CBLN2: variants seen among roughly 807,000 people sequenced by gnomAD.
The protein encoded by CBLN2 is cerebellin-2.
Under a neutral mutation model 15.0 loss-of-function variants are expected in CBLN2, and 7 were observed. That is an observed-to-expected ratio of 0.47 (90% confidence interval 0.27 to 0.88). The LOEUF (loss-of-function observed/expected upper bound fraction) is 0.88, where lower values mean the gene tolerates loss of function less well. Ranked by LOEUF, CBLN2 falls within the 40% of genes least tolerant of loss-of-function variation. CBLN2 has a pLI of 0.14. For synonymous variants in CBLN2, 149 were observed against 135.2 expected, an observed-to-expected ratio of 1.10 and a Z score of -0.71; for missense variants, 242 against 304.5, an observed-to-expected ratio of 0.79 and a Z score of 1.53.
At position 72,538,671 on chromosome 18, in the gene CBLN2, A is replaced by G; in HGVS notation, c.459T>C (p.Tyr153=). ...TACCCACCTGGATGGTTTGTCTGTTATACACTTTGACCACGTGGAAGCTGA... is the reference window on the plus strand; with the variant it reads ...TACCCACCTGGATGGTTTGTCTGTTGTACACTTTGACCACGTGGAAGCTGA... ...YSFSFHVVKV[Y]NRQTIQVSLM... The change falls in exon 4 of 5, where the codon TAT becomes TAC. Residue 153 remains tyrosine (Y), a synonymous_variant. Coordinates refer to ENST00000269503, the MANE Select transcript of CBLN2 (RefSeq NM_182511.4). 6.2e-7 allele frequency: 1 copy of G among 1,614,080 alleles called. No homozygotes were observed. The highest frequency in any genetic ancestry group is 8.5e-7 in the Non-Finnish European group (1 of 1,180,016).
At chr18:72,551,857 T>C (rs779552766) in intron 1 of CBLN2, among the ~76,000 whole-genome samples, 1 of 152,218 alleles carries the variant, frequency 6.6e-6, no homozygotes, top group Non-Finnish European at 1.5e-5. Flanking sequence ...CCTTAGGGAA[T>C]GTGAATGCTC....
At chr18:72,539,231 A>G (rs142109745) in intron 3 of CBLN2, 1 of 163,578 alleles carries the variant, frequency 6.1e-6, no homozygotes, top group Non-Finnish European at 1.3e-5. Flanking sequence ...GAATGGGTAG[A>G]GAAGCGGCTA....
At chr18:72,541,725 G>T in intron 3 of CBLN2, 79 bp downstream of exon 3, 1 of 1,183,774 alleles carries the variant, frequency 8.4e-7, no homozygotes, top group Non-Finnish European at 1.2e-6. Flanking sequence ...CGTCCAAGAA[G>T]CCTGAACCCC....
intron 1 of CBLN2, among the ~76,000 whole-genome samples, chr18:72,558,405 G>A (rs1369554096): frequency 1.3e-5 from 2 of 152,110 alleles, no homozygotes; most frequent in Non-Finnish European, 2.9e-5. Context: ...TGTTTGATGC[G>A]CCTTTTCCCA....
intron 4 of CBLN2, 54 bp downstream of exon 4, chr18:72,538,598 GC>G: frequency 6.2e-7 from 1 of 1,606,196 alleles, no homozygotes; most frequent in Non-Finnish European, 8.5e-7. Flanking sequence ...GGGGCCTTTA[GC>G]AATGGGGAAC....
At position 72,541,886 on chromosome 18, in the gene CBLN2, T is replaced by C. The variant is rs768066760; in HGVS notation, c.275A>G (p.Lys92Arg). 5 of 1,607,176 alleles carry C rather than the reference T, an allele frequency of 3.1e-6. No individual in the cohort carries two copies. Among genetic ancestry groups the C allele is most frequent in the Admixed American group, 3.4e-5 (2 of 59,654 alleles). The change falls in exon 3 of 5, where the codon AAG (lysine) becomes AGG (arginine). Residue 92 changes from lysine (K) to arginine (R), a missense_variant. Lys to Arg is a conservative substitution (Grantham distance 26, BLOSUM62 2). Coordinates refer to ENST00000269503, the MANE Select transcript of CBLN2 (RefSeq NM_182511.4). ...GCTCCGCGTGGCGGAGAAGGCCACC[T>C]TGGCGCTGCCGGAGCGCACGGAGAT... Reference protein sequence around the residue: ...LGISVRSGSAKVAFSATRSTN... With the variant: ...LGISVRSGSARVAFSATRSTN...
At chr18:72,597,525 C>A (rs1306680894) in intron 1 of CBLN2, among the ~76,000 whole-genome samples, 1 of 152,174 alleles carries the variant, frequency 6.6e-6, no homozygotes, top group African/African-American at 2.4e-5. Context: ...GTCCAAGCCC[C>A]ATGGTAACCA....
At chr18:72,634,244 A>G (rs2069797098) in intron 1 of CBLN2, among the ~76,000 whole-genome samples, 2 of 152,060 alleles carry the variant, frequency 1.3e-5, no homozygotes, top group Non-Finnish European at 2.9e-5. Flanking sequence ...GAAGTTCTGT[A>G]AACAGTAAGT....
At chr18:72,615,429 A>C (rs1235202460) in intron 1 of CBLN2, among the ~76,000 whole-genome samples, 1 of 151,196 alleles carries the variant, frequency 6.6e-6, no homozygotes, top group Non-Finnish European at 1.5e-5. Context: ...GCCATGCGCC[A>C]CCATGCCCAG....
chr18:72,615,143 A>ATATTTATATATTAT (rs2069649488), intron 1 of CBLN2, among the ~76,000 whole-genome samples: 1 of 137,314 alleles, frequency 7.3e-6, no homozygotes, highest in East Asian at 2.0e-4. Context: ...TATATAAATA[A>ATATTTATATATTAT]ATATAAATAT....
chr18:72,543,302 T>A lies in CBLN2; in HGVS notation c.-167+184A>T, dbSNP rs2069132456. The A allele has an allele frequency of 5.3e-6, 2 of 379,308 alleles. No individual in the cohort carries two copies. The highest frequency in any genetic ancestry group is 9.3e-6 in the Non-Finnish European group (2 of 214,232). 23.5% of individuals were successfully genotyped at this position (379,308 alleles called of 1,614,324 possible). On this transcript the variant is annotated intron_variant, in intron 2 of 4. Coordinates refer to ENST00000269503, the MANE Select transcript of CBLN2 (RefSeq NM_182511.4). The surrounding 1 kb of genome is among the most constrained non-coding windows in gnomAD (Gnocchi z 6.8). The stretch of plus-strand genomic sequence containing the variant: ...AGCCTCCCATTAACTCTTCCAGTAT[T>A]CTTTCTAAGAACAGAGAAGTTGGCT...
chr18:72,553,296 T>A (rs1217795851), intron 1 of CBLN2, among the ~76,000 whole-genome samples: 1 of 151,982 alleles, frequency 6.6e-6, no homozygotes, highest in Non-Finnish European at 1.5e-5. Context: ...ACGTGTGGAG[T>A]GGGAATCTGC....
rs980278627 is a variant in CBLN2, at chr18:72,543,807, C to G, written c.-212+170G>C. ...GCCCGCACCGCTGCCTGGGGCCCCT[C>G]GAGCTCCCGCGCTCAGCGCGTCCGC... On this transcript the variant is annotated intron_variant, in intron 1 of 4. Coordinates refer to ENST00000269503, the MANE Select transcript of CBLN2 (RefSeq NM_182511.4). The surrounding 1 kb of genome is among the most constrained non-coding windows in gnomAD (Gnocchi z 6.8). Among the ~76,000 whole-genome samples the G allele has an allele frequency of 6.6e-5, 10 of 151,858 alleles. No homozygotes were observed. The highest frequency in any genetic ancestry group is 1.2e-4 in the Non-Finnish European group (8 of 67,936).
chr18:72,570,039 G>A (rs1460271148), intron 1 of CBLN2, among the ~76,000 whole-genome samples: 1 of 152,144 alleles, frequency 6.6e-6, no homozygotes, highest in African/African-American at 2.4e-5. Flanking sequence ...TTTCCAGCGA[G>A]TGTATACATA....
At chr18:72,586,799 AC>A (rs1454846885) in intron 1 of CBLN2, among the ~76,000 whole-genome samples, 1 of 152,182 alleles carries the variant, frequency 6.6e-6, no homozygotes, top group East Asian at 1.9e-4. Flanking sequence ...ATTCTCCAAC[AC>A]AAAATAAGTG....
At chr18:72,621,788 T>C (rs1025036186) in intron 1 of CBLN2, among the ~76,000 whole-genome samples, 2 of 152,192 alleles carry the variant, frequency 1.3e-5, no homozygotes, top group African/African-American at 4.8e-5. Context: ...ATGTCATGTA[T>C]GTTTGGTTAT....
At chr18:72,635,592 T>G (rs371735953) in intron 1 of CBLN2, among the ~76,000 whole-genome samples, 2 of 152,128 alleles carry the variant, frequency 1.3e-5, no homozygotes, top group East Asian at 1.9e-4. Context: ...AGAAAAAACA[T>G]TAACCTTTTA....
chr18:72,625,293 AGT>A (rs1169280891), intron 1 of CBLN2: 3 of 152,010 alleles, frequency 2.0e-5, no homozygotes, highest in African/African-American at 7.2e-5. Context: ...GTCTTTGTCC[AGT>A]TAACTCTGAG....
In CBLN2 at chr18:72,544,143, A is replaced by T. The variant is rs561573558; in HGVS notation, c.-378T>A. ...ACTTTCATAATGACAGGAGCGAAAA[A>T]AACAATAAGTTAAAAAAAAAAAAAA... On this transcript the variant is annotated 5_prime_UTR_variant, in exon 1 of 5. Transcript: ENST00000269503. 2.8e-3 allele frequency: 427 copies of T among 150,428 alleles called. 3 individuals are homozygous for T. Among genetic ancestry groups the T allele is most frequent in the African/African-American group, 0.01 (419 of 40,726 alleles). 9.3% of individuals were successfully genotyped at this position (150,428 alleles called of 1,614,324 possible). A position where few individuals can be genotyped will look rare whatever the true frequency, so the allele number is the denominator to read the frequency against.
Sources: gnomAD v4.1 joint callset for allele counts (sites outside exome capture counted in the v4.1 genomes callset) on GRCh38, gnomAD v4.1.1 for gene constraint, Gnocchi (gnomAD v3.1) non-coding constraint, MANE v1.5 for transcripts, NCBI Gene and HGNC (gene_info 2026-07-23, HGNC 2026-07-21) for gene names.